Variants in DGKI observed in about 807,000 individuals in gnomAD.
DGKI encodes diacylglycerol kinase iota.
DGKI carries 55 observed loss-of-function variants against 147.5 expected under a neutral mutation model. The ratio of observed to expected loss-of-function variants is 0.37; its 90% CI spans 0.30 to 0.47. DGKI has a LOEUF of 0.47. Ranked by LOEUF, DGKI falls within the 20% of genes least tolerant of loss-of-function variation. DGKI has a pLI of 1.00. For synonymous variants in DGKI, 469 were observed against 477.1 expected (o/e 0.98, Z 0.22); for missense variants, 1,007 against 1,323.8 (o/e 0.76, Z 3.71).
chr7:137,462,646 T>A (rs1200487735), intron 27 of DGKI, among the ~76,000 whole-genome samples: 1 of 152,218 alleles, frequency 6.6e-6, no homozygotes, highest in Non-Finnish European at 1.5e-5. Context: ...AGTTATCTTG[T>A]TATTCTGTCA....
At chr7:137,540,160 A>T (rs1817641256) in intron 20 of DGKI, among the ~76,000 whole-genome samples, 1 of 152,242 alleles carries the variant, frequency 6.6e-6, no homozygotes, top group Non-Finnish European at 1.5e-5. Context: ...TCTAACAAAC[A>T]TATAAAGAAC....
At chr7:137,785,521 T>C (rs576772020) in intron 1 of DGKI, among the ~76,000 whole-genome samples, 1 of 151,464 alleles carries the variant, frequency 6.6e-6, no homozygotes, top group Non-Finnish European at 1.5e-5. Context: ...ACCAGACAAA[T>C]TCACAGCTGA....
chr7:137,771,640 A>T (rs898576656), intron 1 of DGKI: 42 of 152,244 alleles, frequency 2.8e-4, no homozygotes, highest in African/African-American at 9.9e-4. Flanking sequence ...AATGATATTT[A>T]AAAAATCATC....
rs368967257 is a variant in DGKI at position 137,727,053 on chromosome 7, G to GA, written c.402-37052dup. 9.6e-3 allele frequency among the ~76,000 whole-genome samples: 1,441 copies of GA among 150,148 alleles called. 17 individuals carry two copies. The highest frequency in any genetic ancestry group is 0.031 in the African/African-American group (1,264 of 40,982). On this transcript the variant is annotated intron_variant, in intron 1 of 32. Transcript: ENST00000614521. Reference sequence around the variant, plus strand: ...GCCGTTGTTTTCAAGATCTGCAAAAGAAAAAAAAATGTTTTCTCATGAAAA... The same window carrying GA: ...GCCGTTGTTTTCAAGATCTGCAAAAGAAAAAAAAAATGTTTTCTCATGAAAA...
chr7:137,777,477 C>T (rs547649908), intron 1 of DGKI, among the ~76,000 whole-genome samples: 1 of 152,206 alleles, frequency 6.6e-6, no homozygotes, highest in Non-Finnish European at 1.5e-5. Flanking sequence ...ACAGCAGCGA[C>T]GGCTATGGTC....
At chr7:137,575,401 G>A (rs775795496) in intron 17 of DGKI, among the ~76,000 whole-genome samples, 19 of 152,162 alleles carry the variant, frequency 1.2e-4, no homozygotes, top group Middle Eastern at 3.2e-3. Context: ...AGGGGACTGA[G>A]ATATGAGAGA....
intron 8 of DGKI, among the ~76,000 whole-genome samples, chr7:137,611,344 C>T (rs1820357144): frequency 6.6e-6 from 1 of 152,142 alleles, no homozygotes; most frequent in African/African-American, 2.4e-5. Context: ...TTGAAAAATG[C>T]TCGTGCCCGG....
chr7:137,724,333 G>T (rs1794658371), intron 1 of DGKI, among the ~76,000 whole-genome samples: 1 of 152,172 alleles, frequency 6.6e-6, no homozygotes, highest in Admixed American at 6.5e-5. Context: ...TTTGAGCCAG[G>T]AAATGATATG....
At chr7:137,424,772 A>T (rs1204831239) in intron 28 of DGKI, among the ~76,000 whole-genome samples, 4 of 152,206 alleles carry the variant, frequency 2.6e-5, no homozygotes, top group Non-Finnish European at 4.4e-5. Flanking sequence ...ACGCCCACGG[A>T]ATCTCGCTGA....
chr7:137,677,917 T>C lies in DGKI; in HGVS notation c.606+640A>G, dbSNP rs988812464. 5.3e-5 allele frequency among the ~76,000 whole-genome samples: 8 copies of C among 152,214 alleles called. No homozygotes were observed. The East Asian group carries it at 1.5e-3, about 29-fold the overall frequency. ...TGGTTTTGATATCTCCACAATGCAC[T>C]ACTTGGCAACCACACTTACCTCACA... On this transcript the variant is annotated intron_variant, in intron 3 of 32. Transcript: ENST00000614521.
intron 8 of DGKI, 140 bp downstream of exon 8, chr7:137,619,684 T>A: frequency 6.0e-6 from 4 of 663,734 alleles, no homozygotes; most frequent in Non-Finnish European, 1.1e-5. Context: ...TGGGATGAAC[T>A]GAGGAAGCTA....
At chr7:137,564,216 C>T (rs963425696) in intron 19 of DGKI, among the ~76,000 whole-genome samples, 4 of 152,040 alleles carry the variant, frequency 2.6e-5, no homozygotes, top group Admixed American at 2.0e-4. Context: ...ACACAATACA[C>T]AAAAATTAAT....
intron 25 of DGKI, among the ~76,000 whole-genome samples, chr7:137,466,596 A>G (rs767864008): frequency 2.4e-4 from 36 of 152,202 alleles, no homozygotes; most frequent in Non-Finnish European, 3.8e-4. Context: ...TTAAAAAGAC[A>G]TGAAATTTGG....
intron 1 of DGKI, among the ~76,000 whole-genome samples, chr7:137,824,060 G>A (rs1797982280): frequency 6.6e-6 from 1 of 152,092 alleles, no homozygotes; most frequent in Non-Finnish European, 1.5e-5. Flanking sequence ...GATAAAAAGA[G>A]AACTACTAAA....
At chr7:137,738,181 G>A (rs1446381587) in intron 1 of DGKI, among the ~76,000 whole-genome samples, 3 of 152,110 alleles carry the variant, frequency 2.0e-5, no homozygotes, top group Non-Finnish European at 4.4e-5. Flanking sequence ...GCAGTTAGCA[G>A]GACCACATGA....
At chr7:137,727,606 G>C (rs564733418) in intron 1 of DGKI, among the ~76,000 whole-genome samples, 4 of 152,230 alleles carry the variant, frequency 2.6e-5, no homozygotes, top group African/African-American at 7.2e-5. Context: ...GGAAGAACCC[G>C]AATGACTAAA....
chr7:137,791,472 C>G (rs1585497860), intron 1 of DGKI, among the ~76,000 whole-genome samples: 1 of 152,142 alleles, frequency 6.6e-6, no homozygotes, highest in East Asian at 1.9e-4. Flanking sequence ...GGCAAGCCAA[C>G]TTTAAATAAA....
chr7:137,699,470 T>A (rs973720347), intron 1 of DGKI, among the ~76,000 whole-genome samples: 1 of 152,202 alleles, frequency 6.6e-6, no homozygotes, highest in Non-Finnish European at 1.5e-5. Flanking sequence ...GAAGTCTACT[T>A]TTTGCCTTAA....
chr7:137,555,173 C>T (rs1029148510), intron 19 of DGKI, among the ~76,000 whole-genome samples: 23 of 151,462 alleles, frequency 1.5e-4, no homozygotes, highest in Non-Finnish European at 3.1e-4. Flanking sequence ...CTCGGCCTCC[C>T]AAAGTGCTGG....
Sources: allele counts gnomAD v4.1 joint callset (sites outside exome capture counted in the v4.1 genomes callset), GRCh38; gene constraint gnomAD v4.1.1; transcripts MANE v1.5; gene names NCBI Gene and HGNC (gene_info 2026-07-23, HGNC 2026-07-21).